The following PRKCG variants were observed in gnomAD, a reference collection of about 807,000 sequenced individuals.
PRKCG encodes protein kinase C gamma type.
In PRKCG, 28 loss-of-function variants were observed where a neutral mutation model predicts 82.0. That is an observed-to-expected ratio of 0.34 (90% CI 0.25 to 0.47). The LOEUF is 0.47. Ranked by LOEUF, PRKCG falls within the 20% of genes least tolerant of loss-of-function variation. The probability of loss-of-function intolerance (pLI) is 1.00; values close to 1 mark genes in which losing one functional copy is unlikely to be tolerated. For synonymous variants in PRKCG, 383 were observed against 376.6 expected (o/e 1.02, Z -0.20); for missense variants, 640 against 952.7 (o/e 0.67, Z 4.32).
In PRKCG at chr19:53,884,991, C is replaced by T. The variant is rs2068621242; in HGVS notation, c.285+748C>T. Among the ~76,000 whole-genome samples the T allele has an allele frequency of 6.6e-6, 1 of 152,194 alleles. No individual in the cohort carries two copies. Among genetic ancestry groups the T allele is most frequent in the Admixed American group, 6.5e-5 (1 of 15,280 alleles). On this transcript the variant is annotated intron_variant, in intron 3 of 17. Transcript: ENST00000263431. This position sits in a 1 kb window ranked among gnomAD's most constrained non-coding sequence, Gnocchi z 4.6. ...CACAAGACCAGTCAACCCTGAGTGCCCATTCCCGTTCCCTTTTCTGCTTTA... is the reference window on the plus strand; with the variant it reads ...CACAAGACCAGTCAACCCTGAGTGCTCATTCCCGTTCCCTTTTCTGCTTTA...
chr19:53,906,668 C>G, intron 17 of PRKCG, 39 bp from the exon 18 acceptor site: 2 of 1,606,746 alleles, frequency 1.2e-6, no homozygotes, highest in South Asian at 1.1e-5. Context: ...GAGGAGCCCT[C>G]GGAGCTGCTT....
rs148704041 is a variant in PRKCG at position 53,885,141 on chromosome 19, T to C, written c.285+898T>C. On this transcript the variant is annotated intron_variant, in intron 3 of 17. Transcript: ENST00000263431. ...GTCCAATAGGCAGCCACCAGCTCCA[T>C]GTAGCCAGTGAGCACTTGAAACAGG... is the stretch of plus-strand genomic sequence containing the variant. Among the ~76,000 whole-genome samples the C allele has an allele frequency of 3.5e-4, 53 of 152,342 alleles. 1 individual carries two copies. The South Asian group carries it at 0.01, about 30-fold the overall frequency.
chr19:53,895,326 A>G (rs2068709832), intron 9 of PRKCG, among the ~76,000 whole-genome samples: 1 of 151,848 alleles, frequency 6.6e-6, no homozygotes, highest in African/African-American at 2.4e-5. Context: ...CATCTCTACT[A>G]AAAAATACAA....
Position 53,889,786 on chromosome 19 carries a change from C to G in PRKCG, c.397+37C>G. 1 of 1,603,980 alleles carries G rather than the reference C, an allele frequency of 6.2e-7. No homozygotes were observed. On this transcript the variant is annotated intron_variant, in intron 4 of 17. Transcript: ENST00000263431. This position sits in a 1 kb window ranked among gnomAD's most constrained non-coding sequence, Gnocchi z 4.4. ...GGGCCTTGCCAGGGCCCTTCCAAAG[C>G]GCCCGGTCTGGGTTCCGGGAAATGC...
chr19:53,895,252 G>A (rs1473953877), intron 9 of PRKCG, among the ~76,000 whole-genome samples: 1 of 151,608 alleles, frequency 6.6e-6, no homozygotes, highest in Non-Finnish European at 1.5e-5. Flanking sequence ...TGTGATCCTA[G>A]TAAGGCGGGC....
chr19:53,899,112 A>G (rs2068742965), intron 11 of PRKCG, among the ~76,000 whole-genome samples: 1 of 101,020 alleles, frequency 9.9e-6, no homozygotes. Context: ...GATTCTTCGG[A>G]GGGCGTGGTC....
In PRKCG at chr19:53,907,313, C is replaced by T. The variant is rs1271144189; in HGVS notation, c.*418C>T. The T allele has an allele frequency of 1.8e-5, 5 of 276,158 alleles. No homozygotes were observed. The highest frequency in any genetic ancestry group is 3.6e-5 in the Non-Finnish European group (5 of 140,634). 17.1% of individuals were successfully genotyped at this position (276,158 alleles called of 1,614,324 possible). A position where few individuals can be genotyped will look rare whatever the true frequency, so the allele number is the denominator to read the frequency against. The stretch of plus-strand genomic sequence containing the variant: ...CTCAGGTTCCAGAACAGCCCTCGGC[C>T]TCCGAGGCTCCCCGCCTCCACTCTA... On this transcript the variant is annotated 3_prime_UTR_variant, in exon 18 of 18. Transcript: ENST00000263431.
chr19:53,887,829 CA>C (rs60094916), intron 3 of PRKCG, among the ~76,000 whole-genome samples: 7,070 of 57,678 alleles, frequency 0.12, 319 homozygotes, highest in African/African-American at 0.26. Flanking sequence ...GACTCCATCT[CA>C]AAAAAAAAAA....
At chr19:53,893,478 C>T (rs2068695207) in intron 9 of PRKCG, 87 bp downstream of exon 9, 1 of 1,382,412 alleles carries the variant, frequency 7.2e-7, no homozygotes, top group African/African-American at 1.4e-5. Flanking sequence ...TCTTCAATTC[C>T]CCACACATGA....
At chr19:53,896,776 A>T (rs1408962298) in intron 9 of PRKCG, among the ~76,000 whole-genome samples, 1 of 152,206 alleles carries the variant, frequency 6.6e-6, no homozygotes, top group East Asian at 1.9e-4. Context: ...TGTCTTAGCG[A>T]ACAAAGCAGA....
chr19:53,907,366 C>G lies in PRKCG; in HGVS notation c.*471C>G. 1 of 211,672 alleles carries G rather than the reference C, an allele frequency of 4.7e-6. No individual in the cohort carries two copies. Among genetic ancestry groups the G allele is most frequent in the South Asian group, 7.0e-5 (1 of 14,292 alleles). The allele number at this position is 211,672 out of a possible 1,614,324, so 13.1% of individuals were successfully genotyped here. A position where few individuals can be genotyped will look rare whatever the true frequency, so the allele number is the denominator to read the frequency against. On this transcript the variant is annotated 3_prime_UTR_variant, in exon 18 of 18. Coordinates refer to ENST00000263431, the MANE Select transcript of PRKCG (RefSeq NM_002739.5). ...TCTAGATGAGTGGGAGGCGTGCCCC[C>G]CTCCTCCAGTACGTCCCGCTGCTGT...
At chr19:53,899,725 T>C (rs1185580411) in intron 11 of PRKCG, among the ~76,000 whole-genome samples, 1 of 152,152 alleles carries the variant, frequency 6.6e-6, no homozygotes, top group Non-Finnish European at 1.5e-5. Context: ...TAGCTGGGAT[T>C]ACAGGCTCCC....
Position 53,902,580 on chromosome 19 carries a change from A to G in PRKCG, c.1576-493A>G, listed in dbSNP as rs78049424. 7.2e-3 allele frequency among the ~76,000 whole-genome samples: 1,091 copies of G among 152,156 alleles called. 7 individuals are homozygous for G. Among genetic ancestry groups the G allele is most frequent in the African/African-American group, 0.024 (996 of 41,516 alleles). On this transcript the variant is annotated intron_variant, in intron 14 of 17. Coordinates refer to ENST00000263431, the MANE Select transcript of PRKCG (RefSeq NM_002739.5). Reference sequence around the variant, plus strand: ...TGCTTTGTTTCCAGAATATTCCAAAAGTTAGATCGCTGGCCAAAATATTCA... The same window carrying G: ...TGCTTTGTTTCCAGAATATTCCAAAGGTTAGATCGCTGGCCAAAATATTCA...
chr19:53,902,995 C>G (rs905649751), intron 14 of PRKCG, 78 bp from the exon 15 acceptor site: 10 of 1,021,954 alleles, frequency 9.8e-6, no homozygotes, highest in Admixed American at 6.8e-5. Context: ...GTGGGTAGCG[C>G]TCCCAGGGGG....
chr19:53,891,024 T>G (rs1300767351), intron 5 of PRKCG, among the ~76,000 whole-genome samples: 2 of 152,098 alleles, frequency 1.3e-5, no homozygotes, highest in Middle Eastern at 3.4e-3. Flanking sequence ...AGTGCTGGGA[T>G]TACAGGGGTG....
chr19:53,894,680 G>A (rs544360409), intron 9 of PRKCG, among the ~76,000 whole-genome samples: 7 of 151,636 alleles, frequency 4.6e-5, no homozygotes, highest in South Asian at 2.1e-4. Flanking sequence ...GGCTGGTCTC[G>A]AACTCCTGAC....
In PRKCG at chr19:53,882,755, G is replaced by A; in HGVS notation, c.170+91G>A. ...ACCCCTGTGGAAGGAAGAAGGAGGG[G>A]GCTGTAGTCCCGACTCCCAGGTTCT... On this transcript the variant is annotated intron_variant, in intron 1 of 17. Transcript: ENST00000263431. This position sits in a 1 kb window ranked among gnomAD's most constrained non-coding sequence, Gnocchi z 6.1. 1.3e-6 allele frequency: 2 copies of A among 1,517,196 alleles called. No homozygotes were observed. The highest frequency in any genetic ancestry group is 2.3e-5 in the East Asian group (1 of 42,972). The allele number at this position is 1,517,196 out of a possible 1,614,324, so 94.0% of individuals were successfully genotyped here.
intron 14 of PRKCG, among the ~76,000 whole-genome samples, chr19:53,901,412 C>T (rs975928727): frequency 7.9e-5 from 12 of 151,918 alleles, no homozygotes; most frequent in African/African-American, 1.7e-4. Context: ...GGCGTGGTGG[C>T]ATGCGCCTGT....
intron 14 of PRKCG, among the ~76,000 whole-genome samples, chr19:53,902,561 G>T (rs1172718649): frequency 6.6e-6 from 1 of 152,100 alleles, no homozygotes; most frequent in Non-Finnish European, 1.5e-5. Flanking sequence ...GGTATGCTTT[G>T]TTTCCAGAAT....
Sources: allele counts gnomAD v4.1 joint callset (sites outside exome capture counted in the v4.1 genomes callset), GRCh38; gene constraint gnomAD v4.1.1; non-coding constraint Gnocchi (gnomAD v3.1); transcripts MANE v1.5; gene names NCBI Gene and HGNC (gene_info 2026-07-23, HGNC 2026-07-21).